Variants in ERCC3 observed in about 807,000 individuals in gnomAD.
ERCC3 encodes ERCC excision repair 3, TFIIH core complex helicase subunit, also known as general transcription and DNA repair factor IIH helicase/translocase subunit XPB.
Under a neutral mutation model 94.2 loss-of-function variants are expected in ERCC3, and 66 were observed. The observed-to-expected ratio is 0.70, with a 90% CI of 0.57 to 0.86. The LOEUF is 0.86. ERCC3 is among the 40% of genes least tolerant of loss of function. ERCC3 has a pLI of 0.00. For synonymous variants in ERCC3, 349 were observed against 369.1 expected (o/e 0.95, Z 0.63); for missense variants, 829 against 987.1 (o/e 0.84, Z 2.15).
At chr2:127,273,019 C>T in intron 10 of ERCC3, 58 bp from the exon 11 acceptor site, 2 of 1,107,236 alleles carry the variant, frequency 1.8e-6, no homozygotes, top group Non-Finnish European at 2.8e-6. Flanking sequence ...ATCTTGAAAA[C>T]ACATCAGAGG....
chr2:127,282,233 G>T (rs1458149391), intron 8 of ERCC3, among the ~76,000 whole-genome samples: 1 of 152,166 alleles, frequency 6.6e-6, no homozygotes, highest in Admixed American at 6.5e-5. Flanking sequence ...TCTGAGAGGG[G>T]TCTGCCTCCT....
rs70985445 is a variant in ERCC3, at chr2:127,269,417, CTTTTTTTTTTT to C, written c.1945+1908_1945+1918del. On this transcript the variant is annotated intron_variant, in intron 12 of 14. Transcript: ENST00000285398. ...TTGAGTAAGAAAACAATTCTATTCA[CTTTTTTTTTTT>C]TTTTTTTTTTTGAGATGGAGTCTTG... is the stretch of plus-strand genomic sequence containing the variant. 2.6e-4 allele frequency among the ~76,000 whole-genome samples: 29 copies of C among 113,566 alleles called. No individual in the cohort carries two copies. The Middle Eastern group carries it at 0.023, about 90-fold the overall frequency. 74.5% of individuals were successfully genotyped at this position (113,566 alleles called of 152,430 possible).
At chr2:127,292,988 G>A in intron 2 of ERCC3, 142 bp from the exon 3 acceptor site, 1 of 685,464 alleles carries the variant, frequency 1.5e-6, no homozygotes, top group East Asian at 2.7e-5. Context: ...GACAACTGTG[G>A]GGCCTGTTAC....
chr2:127,293,614 G>C lies in ERCC3; in HGVS notation c.133C>G (p.Gln45Glu), dbSNP rs1685354796. 1.2e-6 allele frequency: 2 copies of C among 1,614,078 alleles called. No individual in the cohort carries two copies. Among genetic ancestry groups the C allele is most frequent in the Admixed American group, 1.7e-5 (1 of 59,996 alleles). Residue 45 changes from glutamine to glutamate, a missense_variant, in exon 2 of 15, where the codon CAG becomes GAG. Physicochemically the swap from Gln to Glu is conservative, Grantham distance 29. Coordinates refer to ENST00000285398, the MANE Select transcript of ERCC3 (RefSeq NM_000122.2). ...QEAVPSAAGK[Q>E]VDESGTKVDE... Reference sequence around the variant, plus strand: ...ACTTTGGTGCCTGACTCATCCACCTGCTTCCCCGCCGCCGAGGGAACCGCT... The same window carrying C: ...ACTTTGGTGCCTGACTCATCCACCTCCTTCCCCGCCGCCGAGGGAACCGCT...
At chr2:127,272,758 G>A in intron 11 of ERCC3, 107 bp downstream of exon 11, 1 of 774,724 alleles carries the variant, frequency 1.3e-6, no homozygotes, top group South Asian at 1.4e-5. Context: ...AAACATGCAG[G>A]AGAAGTTCCT....
rs1332898410 is a variant in ERCC3, at chr2:127,261,228, C to G, written c.2064G>C (p.Lys688Asn). The change falls in exon 13 of 15, where the codon AAG (lysine) becomes AAC (asparagine). Residue 688 changes from lysine (K) to asparagine (N), a missense_variant and splice_region_variant. Lys to Asn is a moderately conservative substitution (Grantham distance 94). Transcript: ENST00000285398. ...AACCAGAAGCCAAATGGATATGTAC[C>G]TTGAAGCTATAACCTTGATCTACCA... ...RFLVDQGYSF[K>N]VITKLAGMEE... 1 of 1,588,512 alleles carries G rather than the reference C, an allele frequency of 6.3e-7. No homozygotes were observed. The highest frequency in any genetic ancestry group is 8.6e-7 in the Non-Finnish European group (1 of 1,156,798).
Position 127,288,709 on chromosome 2 carries a change from C to G in ERCC3, c.978G>C (p.Lys326Asn), listed in dbSNP as rs779822517. Reference protein sequence around the residue: ...LRPYQEKSLRKMFGNGRARSG... With the variant: ...LRPYQEKSLRNMFGNGRARSG... ...AACGTGCACGCCCGTTTCCAAACAT[C>G]TTTCGCAAGCTCTTCTCCTGATAGG... is the stretch of plus-strand genomic sequence containing the variant. The change falls in exon 7 of 15, where the codon AAG becomes AAC. Residue 326 changes from lysine (K) to asparagine (N), a missense_variant. Coordinates refer to ENST00000285398, the MANE Select transcript of ERCC3 (RefSeq NM_000122.2). The G allele has an allele frequency of 6.2e-7, 1 of 1,614,180 alleles. No homozygotes were observed.
Position 127,271,412 on chromosome 2 carries a change from G to A in ERCC3, c.1869C>T (p.Leu623=). Residue 623 remains leucine (L), a synonymous_variant, in exon 12 of 15, where the codon CTC becomes CTT. Transcript: ENST00000285398. This position sits in a 1 kb window ranked among gnomAD's most constrained non-coding sequence, Gnocchi z 5.0. ...TSFDLPEANV[L]IQISSHGGSR... is the part of the protein sequence containing the mutation. ...AGCCACCATGGGATGAGATCTGAAT[G>A]AGGACATTTGCTTCCGGCAGATCAA... 6.2e-7 allele frequency: 1 copy of A among 1,614,118 alleles called. No individual in the cohort carries two copies. The highest frequency in any genetic ancestry group is 2.2e-5 in the East Asian group (1 of 44,886).
intron 12 of ERCC3, among the ~76,000 whole-genome samples, chr2:127,269,154 G>A (rs977541235): frequency 1.3e-5 from 2 of 152,170 alleles, no homozygotes; most frequent in African/African-American, 4.8e-5. Flanking sequence ...AGCTGACCAT[G>A]CGTAATTGAA....
In ERCC3 at chr2:127,259,881, G is replaced by T; in HGVS notation, c.2065-433C>A. On this transcript the variant is annotated intron_variant, in intron 13 of 14. Transcript: ENST00000285398. This position sits in a 1 kb window ranked among gnomAD's most constrained non-coding sequence, Gnocchi z 4.9. Reference sequence around the variant, plus strand: ...CTGTGCTCCGCAACTGGGGCTTCCAGCAGGAATGAGCACGTGAAAATGAAA... The same window carrying T: ...CTGTGCTCCGCAACTGGGGCTTCCATCAGGAATGAGCACGTGAAAATGAAA... 3.8e-6 allele frequency: 1 copy of T among 266,280 alleles called. No individual in the cohort carries two copies. Among genetic ancestry groups the T allele is most frequent in the Non-Finnish European group, 7.3e-6 (1 of 136,104 alleles). 16.5% of individuals were successfully genotyped at this position (266,280 alleles called of 1,614,324 possible).
chr2:127,268,978 G>A (rs1684465166), intron 12 of ERCC3, among the ~76,000 whole-genome samples: 2 of 150,664 alleles, frequency 1.3e-5, no homozygotes, highest in South Asian at 4.1e-4. Context: ...GACAGTCCGT[G>A]ACAACTGAGA....
chr2:127,258,676 C>T lies in ERCC3; in HGVS notation c.2217+620G>A, dbSNP rs1424968303. On this transcript the variant is annotated intron_variant, in intron 14 of 14. Transcript: ENST00000285398. The surrounding 1 kb of genome is among the most constrained non-coding windows in gnomAD (Gnocchi z 4.1). Reference sequence around the variant, plus strand: ...TTCAAACGCACCTGACTGAAGTGCACTTCTCCCCTTGGACAGGCCTGCTAA... The same window carrying T: ...TTCAAACGCACCTGACTGAAGTGCATTTCTCCCCTTGGACAGGCCTGCTAA... Among the ~76,000 whole-genome samples, 1 of 152,340 alleles carries T rather than the reference C, an allele frequency of 6.6e-6. No individual in the cohort carries two copies. Among genetic ancestry groups the T allele is most frequent in the East Asian group, 1.9e-4 (1 of 5,180 alleles).
At chr2:127,263,197 A>T (rs1460890502) in intron 12 of ERCC3, among the ~76,000 whole-genome samples, 1 of 152,150 alleles carries the variant, frequency 6.6e-6, no homozygotes, top group Admixed American at 6.5e-5. Context: ...TCTGTGAAAA[A>T]TGATGTTGGC....
chr2:127,259,274 A>G lies in ERCC3; in HGVS notation c.2217+22T>C, dbSNP rs747179183. ...CCCTGTGAGAGCACTGACACCTGGAACCTCCTCACCCATTTACTCACCTGG... is the reference window on the plus strand; with the variant it reads ...CCCTGTGAGAGCACTGACACCTGGAGCCTCCTCACCCATTTACTCACCTGG... On this transcript the variant is annotated intron_variant, in intron 14 of 14. Coordinates refer to ENST00000285398, the MANE Select transcript of ERCC3 (RefSeq NM_000122.2). This position sits in a 1 kb window ranked among gnomAD's most constrained non-coding sequence, Gnocchi z 4.9. 1.2e-6 allele frequency: 2 copies of G among 1,613,674 alleles called. No homozygotes were observed. The highest frequency in any genetic ancestry group is 3.3e-5 in the Admixed American group (2 of 59,998).
intron 13 of ERCC3, chr2:127,260,475 T>TG (rs1422323334): frequency 6.6e-6 from 1 of 152,282 alleles, no homozygotes; most frequent in Non-Finnish European, 1.5e-5. Flanking sequence ...TAGGCCAGCA[T>TG]GAGAGGTCTG....
intron 12 of ERCC3, among the ~76,000 whole-genome samples, chr2:127,266,719 T>A (rs1165953424): frequency 1.1e-4 from 16 of 144,438 alleles, no homozygotes; most frequent in Non-Finnish European, 2.0e-4. Context: ...ATTTTTTTTT[T>A]TTTTTTTTTT....
rs1223430690 is a variant in ERCC3 at position 127,286,702 on chromosome 2, C to A, written c.1342+1G>T. ...GGACAGCTCAGCTCCAGCCTGCTTACCTGGTATGGTGTGCACTTCATCCAG... is the reference window on the plus strand; with the variant it reads ...GGACAGCTCAGCTCCAGCCTGCTTAACTGGTATGGTGTGCACTTCATCCAG... On this transcript the variant is annotated splice_donor_variant, in intron 8 of 14. Coordinates refer to ENST00000285398, the MANE Select transcript of ERCC3 (RefSeq NM_000122.2). LOFTEE classifies it high-confidence loss of function. The A allele has an allele frequency of 6.2e-7, 1 of 1,613,994 alleles. No homozygotes were observed.
At chr2:127,267,590 G>C (rs1017220083) in intron 12 of ERCC3, among the ~76,000 whole-genome samples, 1 of 152,066 alleles carries the variant, frequency 6.6e-6, no homozygotes. Context: ...GGGGTGTTTA[G>C]GTTGTTTACA....
Position 127,286,878 on chromosome 2 carries a change from G to C in ERCC3, c.1167C>G (p.Ile389Met). Residue 389 changes from isoleucine to methionine, a missense_variant, in exon 8 of 15, where the codon ATC becomes ATG. Ile to Met is a conservative substitution (Grantham distance 10). Transcript: ENST00000285398. Reference sequence around the variant, plus strand: ...CCTTGGCATCGGAGGTGAACCGGCAGATCTGGCTGTCGTCAATGGTGGACC... The same window carrying C: ...CCTTGGCATCGGAGGTGAACCGGCACATCTGGCTGTCGTCAATGGTGGACC... ...KMWSTIDDSQ[I>M]CRFTSDAKDK... The C allele has an allele frequency of 3.1e-6, 5 of 1,614,222 alleles. No homozygotes were observed. Among genetic ancestry groups the C allele is most frequent in the Non-Finnish European group, 2.5e-6 (3 of 1,180,038 alleles).
Sources: allele counts gnomAD v4.1 joint callset (sites outside exome capture counted in the v4.1 genomes callset), GRCh38; gene constraint gnomAD v4.1.1; non-coding constraint Gnocchi (gnomAD v3.1); transcripts MANE v1.5; gene names NCBI Gene and HGNC (gene_info 2026-07-23, HGNC 2026-07-21).